The following PCDH15 variants were observed in gnomAD, a reference collection of about 807,000 sequenced individuals.
PCDH15 encodes the protein protocadherin related 15.
PCDH15 carries 129 observed loss-of-function variants against 178.5 expected under a neutral mutation model. The ratio of observed to expected loss-of-function variants is 0.72; its 90% confidence interval spans 0.63 to 0.84. PCDH15 has a LOEUF of 0.84. Ranked by LOEUF, PCDH15 falls within the 40% of genes least tolerant of loss-of-function variation. PCDH15 has a pLI of 0.00. For missense variants in PCDH15, 2,230 were observed against 2,099.9 expected (o/e 1.06, Z -1.21); for synonymous variants, 800 against 732.0 (o/e 1.09, Z -1.50).
chr10:53,857,034 A>T, intron 28 of PCDH15, 141 bp downstream of exon 28: 1 of 666,018 alleles, frequency 1.5e-6, no homozygotes, highest in Non-Finnish European at 2.6e-6. Context: ...GCACACTCGA[A>T]GCCTAAACCT....
In PCDH15 at chr10:54,189,919, A is replaced by ATGTGTGTGTGTGTG. The variant is rs531733552; in HGVS notation, c.1306-4652_1306-4651insCACACACACACACA. Reference sequence around the variant, plus strand: ...ATATGGTTCATATATGTATACATGCATGTGTATGTGTGTGTGTGTGTGTGT... The same window carrying ATGTGTGTGTGTGTG: ...ATATGGTTCATATATGTATACATGCATGTGTGTGTGTGTGTGTGTATGTGTGTGTGTGTGTGTGT... On this transcript the variant is annotated intron_variant, in intron 11 of 37. Transcript: ENST00000644397. 2.5e-3 allele frequency among the ~76,000 whole-genome samples: 273 copies of ATGTGTGTGTGTGTG among 108,804 alleles called. 2 individuals carry two copies. Among genetic ancestry groups the ATGTGTGTGTGTGTG allele is most frequent in the African/African-American group, 8.2e-3 (257 of 31,480 alleles). The allele number at this position is 108,804 out of a possible 152,430, so 71.4% of individuals were successfully genotyped here.
In PCDH15 at chr10:54,248,762, CAACA is replaced by C. The variant is rs575089687; in HGVS notation, c.877-11835_877-11832del. Among the ~76,000 whole-genome samples, 340 of 152,044 alleles carry C rather than the reference CAACA, an allele frequency of 2.2e-3. 2 individuals are homozygous for C. Among genetic ancestry groups the C allele is most frequent in the African/African-American group, 7.4e-3 (308 of 41,520 alleles). On this transcript the variant is annotated intron_variant, in intron 8 of 37. Transcript: ENST00000644397. ...ATTAAAGGTGAATTATAAAAAATAA[CAACA>C]AACAGACATTCAAGCATGTGTACTT... is the stretch of plus-strand genomic sequence containing the variant.
At chr10:53,888,304 A>ATATATATATACATATATATATATATG (rs1554845195) in intron 26 of PCDH15, among the ~76,000 whole-genome samples, 5 of 88,974 alleles carry the variant, frequency 5.6e-5, no homozygotes, top group Non-Finnish European at 8.0e-5. Context: ...ATATATATAT[A>ATATATATATACATATATATATATATG]TATATGTATA....
intron 8 of PCDH15, among the ~76,000 whole-genome samples, chr10:54,288,856 C>G (rs894523644): frequency 6.6e-6 from 1 of 152,226 alleles, no homozygotes; most frequent in Non-Finnish European, 1.5e-5. Context: ...AACAAAGCAG[C>G]CAGGGAGCTC....
At chr10:55,208,927 G>A (rs546443775) in intron 1 of PCDH15, among the ~76,000 whole-genome samples, 1 of 152,042 alleles carries the variant, frequency 6.6e-6, no homozygotes, top group African/African-American at 2.4e-5. Flanking sequence ...CAAGTAAAAG[G>A]AAATAATGAA....
At chr10:55,544,241 G>T (rs935901019) in intron 2 of PCDH15, among the ~76,000 whole-genome samples, 4 of 145,766 alleles carry the variant, frequency 2.7e-5, no homozygotes, top group Non-Finnish European at 6.0e-5. Flanking sequence ...TATATAGATA[G>T]AAATTATGAA....
At chr10:55,566,310 T>G (rs1224378669) in intron 2 of PCDH15, among the ~76,000 whole-genome samples, 10 of 151,518 alleles carry the variant, frequency 6.6e-5, no homozygotes, top group African/African-American at 2.2e-4. Context: ...GGAAACCACC[T>G]TAACCTAATA....
intron 2 of PCDH15, among the ~76,000 whole-genome samples, chr10:55,145,142 C>T (rs955636567): frequency 3.3e-5 from 5 of 151,952 alleles, no homozygotes; most frequent in African/African-American, 9.7e-5. Flanking sequence ...CTCATGGACA[C>T]TTGAAATATA....
chr10:54,447,878 CA>C (rs2076239917), intron 3 of PCDH15, among the ~76,000 whole-genome samples: 2 of 151,558 alleles, frequency 1.3e-5, no homozygotes, highest in Admixed American at 6.6e-5. Context: ...ACTGTGAAAA[CA>C]AAACCACTAT....
chr10:55,259,902 C>CAAAAAAAAAAAAAA (rs749939571), intron 1 of PCDH15, among the ~76,000 whole-genome samples: 7 of 52,012 alleles, frequency 1.3e-4, no homozygotes, highest in Non-Finnish European at 2.5e-4. Flanking sequence ...AACTCCGTCT[C>CAAAAAAAAAAAAAA]AAAAAAAAAA....
intron 6 of PCDH15, among the ~76,000 whole-genome samples, chr10:54,331,052 A>G (rs1248516717): frequency 6.6e-6 from 1 of 151,738 alleles, no homozygotes; most frequent in Non-Finnish European, 1.5e-5. Context: ...AGAAGAAAAA[A>G]ACTGTGTATG....
chr10:55,509,047 C>G (rs912390604), intron 2 of PCDH15, among the ~76,000 whole-genome samples: 15 of 151,564 alleles, frequency 9.9e-5, no homozygotes, highest in African/African-American at 3.6e-4. Context: ...GTGTTAGTAA[C>G]CTTGATGCAA....
chr10:54,457,063 A>G (rs2076871311), intron 3 of PCDH15, among the ~76,000 whole-genome samples: 1 of 152,128 alleles, frequency 6.6e-6, no homozygotes, highest in Non-Finnish European at 1.5e-5. Context: ...AATCTTTTTC[A>G]GCTTTTGTTT....
At chr10:54,518,357 C>T (rs1484679453) in intron 3 of PCDH15, among the ~76,000 whole-genome samples, 1 of 148,080 alleles carries the variant, frequency 6.8e-6, no homozygotes, top group African/African-American at 2.5e-5. Context: ...CAAATAGACG[C>T]AATAAAAATG....
At chr10:54,516,737 C>T (rs2082262778) in intron 3 of PCDH15, among the ~76,000 whole-genome samples, 1 of 151,754 alleles carries the variant, frequency 6.6e-6, no homozygotes, top group Non-Finnish European at 1.5e-5. Context: ...TCGAGAAGAG[C>T]AACTCCAAGA....
At chr10:54,140,547 C>T (rs1407624301) in intron 14 of PCDH15, among the ~76,000 whole-genome samples, 1 of 151,966 alleles carries the variant, frequency 6.6e-6, no homozygotes, top group Non-Finnish European at 1.5e-5. Flanking sequence ...CAGCTCACTG[C>T]AACCCCTGCC....
At chr10:55,493,076 T>C (rs530089499) in intron 2 of PCDH15, among the ~76,000 whole-genome samples, 5 of 151,744 alleles carry the variant, frequency 3.3e-5, no homozygotes, top group Admixed American at 3.3e-4. Context: ...CCAGTAAGTG[T>C]TGCAACATGA....
chr10:53,931,242 A>G (rs2085034397), intron 25 of PCDH15, among the ~76,000 whole-genome samples: 1 of 152,150 alleles, frequency 6.6e-6, no homozygotes, highest in Admixed American at 6.5e-5. Context: ...TGACTAAACC[A>G]CTGTTATGAA....
At chr10:54,697,369 C>A (rs1220212151) in intron 1 of PCDH15, among the ~76,000 whole-genome samples, 4 of 151,560 alleles carry the variant, frequency 2.6e-5, no homozygotes, top group African/African-American at 9.7e-5. Flanking sequence ...ACAGGTATAT[C>A]TGCATATAAA....
Sources: allele counts gnomAD v4.1 joint callset (sites outside exome capture counted in the v4.1 genomes callset), GRCh38; gene constraint gnomAD v4.1.1; transcripts MANE v1.5; gene names NCBI Gene and HGNC (gene_info 2026-07-23, HGNC 2026-07-21).